The following ZSCAN25 variants were observed in gnomAD, a reference collection of about 807,000 sequenced individuals.
ZSCAN25 encodes the protein zinc finger and SCAN domain-containing protein 25.
ZSCAN25 carries 27 observed loss-of-function variants against 38.7 expected under a neutral mutation model. The ratio of observed to expected loss-of-function variants is 0.70; its 90% CI spans 0.51 to 0.96. ZSCAN25 has a LOEUF of 0.96. ZSCAN25 is among the 40% of genes least tolerant of loss of function. The probability of loss-of-function intolerance (pLI) is 0.00; values close to 1 mark genes in which losing one functional copy is unlikely to be tolerated. For synonymous variants in ZSCAN25, 273 were observed against 277.7 expected, an observed-to-expected ratio of 0.98 and a Z score of 0.17; for missense variants, 637 against 705.9, an observed-to-expected ratio of 0.90 and a Z score of 1.11.
intron 1 of ZSCAN25, among the ~76,000 whole-genome samples, 168 bp downstream of exon 1, chr7:99,617,184 A>C (rs1806539820): frequency 6.6e-6 from 1 of 152,132 alleles, no homozygotes; most frequent in South Asian, 2.1e-4. Flanking sequence ...AGCTGCCTTC[A>C]GCGGCCCCGA....
chr7:99,619,389 G>A (rs1806735340), intron 3 of ZSCAN25, among the ~76,000 whole-genome samples, 172 bp from the exon 4 acceptor site: 1 of 152,234 alleles, frequency 6.6e-6, no homozygotes, highest in Non-Finnish European at 1.5e-5. Flanking sequence ...GTACCTAATA[G>A]TTGCTTAGCA....
In ZSCAN25 at chr7:99,631,236, C is replaced by T. The variant is rs2151303495; in HGVS notation, c.*1216C>T. On this transcript the variant is annotated 3_prime_UTR_variant, in exon 8 of 8. Transcript: ENST00000394152. ...TTGTTACTAAATGGTCTCTGCCCTC[C>T]AGACCCTTGTCATCCAAGGCACTAG... is the stretch of plus-strand genomic sequence containing the variant. The T allele has an allele frequency of 3.0e-6, 3 of 985,446 alleles. No individual in the cohort carries two copies. The highest frequency in any genetic ancestry group is 1.7e-5 in the African/African-American group (1 of 57,344). The allele number at this position is 985,446 out of a possible 1,614,324, so 61.0% of individuals were successfully genotyped here.
the ZSCAN25 span, chr7:99,663,705 G>T: frequency 9.3e-7 from 1 of 1,071,626 alleles, no homozygotes; most frequent in East Asian, 6.6e-5. Context: ...GGGAAGAGAA[G>T]TGGTAAAATT....
At chr7:99,685,107 T>C in the ZSCAN25 span, 4 of 1,485,530 alleles carry the variant, frequency 2.7e-6, no homozygotes, top group Admixed American at 6.7e-5. Flanking sequence ...TCACAGCTTT[T>C]TTGAAGAGCA....
downstream of ZSCAN25, among the ~76,000 whole-genome samples, chr7:99,636,937 A>G (rs188311045): frequency 2.1e-3 from 315 of 152,366 alleles, no homozygotes; most frequent in Non-Finnish European, 3.7e-3. Context: ...AAGTCTACAC[A>G]TCATTCATTC....
chr7:99,671,405 C>T, the ZSCAN25 span: 39 of 170,394 alleles, frequency 2.3e-4, no homozygotes, highest in Non-Finnish European at 4.6e-4. Flanking sequence ...TGTACAGCTA[C>T]TAGAGTCACC....
At chr7:99,662,191 T>G in the ZSCAN25 span, among the ~76,000 whole-genome samples, 1 of 152,140 alleles carries the variant, frequency 6.6e-6, no homozygotes, top group African/African-American at 2.4e-5. The surrounding 1 kb of genome is among the most constrained non-coding windows in gnomAD (Gnocchi z 4.3). Flanking sequence ...ATTCAAAAAT[T>G]TTGTGAGATG....
At chr7:99,682,330 A>C in the ZSCAN25 span, among the ~76,000 whole-genome samples, 1 of 152,216 alleles carries the variant, frequency 6.6e-6, no homozygotes. Context: ...ACAGGGTTCT[A>C]GTTTCATTAT....
At chr7:99,686,339 C>T in the ZSCAN25 span, among the ~76,000 whole-genome samples, 6 of 152,144 alleles carry the variant, frequency 3.9e-5, no homozygotes, top group Non-Finnish European at 7.4e-5. Flanking sequence ...GCTTAAAAAA[C>T]GGCACACCAG....
chr7:99,660,896 T>A, the ZSCAN25 span, among the ~76,000 whole-genome samples: 3 of 152,194 alleles, frequency 2.0e-5, no homozygotes, highest in Non-Finnish European at 4.4e-5. Flanking sequence ...ACACTCCTCA[T>A]CATGGCATCC....
chr7:99,702,415 G>C, the ZSCAN25 span, among the ~76,000 whole-genome samples: 1 of 152,098 alleles, frequency 6.6e-6, no homozygotes, highest in Non-Finnish European at 1.5e-5. Flanking sequence ...CATCCACCTT[G>C]ATTTGATTTT....
chr7:99,672,893 G>A, the ZSCAN25 span: 2 of 1,373,756 alleles, frequency 1.5e-6, no homozygotes, highest in South Asian at 1.7e-5. Context: ...GAAGGGTAAT[G>A]TGGTCCAAAC....
the ZSCAN25 span, chr7:99,677,295 A>G: frequency 1.0e-6 from 1 of 974,384 alleles, no homozygotes; most frequent in Non-Finnish European, 1.2e-6. Context: ...TCAGCTGTGA[A>G]GCTGCTAGCC....
In ZSCAN25 at chr7:99,629,280, G is replaced by A. The variant is rs894306908; in HGVS notation, c.895G>A (p.Ala299Thr). 1.2e-6 allele frequency: 2 copies of A among 1,614,208 alleles called. No homozygotes were observed. The highest frequency in any genetic ancestry group is 1.7e-6 in the Non-Finnish European group (2 of 1,180,020). Residue 299 changes from alanine (A) to threonine (T), a missense_variant, in exon 8 of 8, where the codon GCC (alanine) becomes ACC (threonine). Physicochemically the swap from Ala to Thr is moderately conservative, Grantham distance 58 (BLOSUM62 0). Coordinates refer to ENST00000394152, the MANE Select transcript of ZSCAN25 (RefSeq NM_145115.3). The surrounding 1 kb of genome is among the most constrained non-coding windows in gnomAD (Gnocchi z 5.6). ...ACTGACATCAGAGAGGTTTGGGGAA[G>A]CCTCTCTCCAGGGCCCTGGGCTCGG... Reference protein sequence around the residue: ...VALTSERFGEASLQGPGLGRV... With the variant: ...VALTSERFGETSLQGPGLGRV...
the ZSCAN25 span, among the ~76,000 whole-genome samples, chr7:99,732,319 A>G: frequency 1.3e-5 from 2 of 152,086 alleles, no homozygotes; most frequent in Non-Finnish European, 2.9e-5. Context: ...AGAAGTCGCT[A>G]TGCTTCCTGT....
the ZSCAN25 span, among the ~76,000 whole-genome samples, chr7:99,702,873 T>G: frequency 1.3e-5 from 2 of 152,220 alleles, no homozygotes; most frequent in African/African-American, 4.8e-5. Context: ...TCTTACAATA[T>G]GTAAACATGG....
the ZSCAN25 span, chr7:99,648,151 G>GGA: frequency 7.2e-7 from 1 of 1,391,910 alleles, no homozygotes; most frequent in Non-Finnish European, 9.4e-7. Flanking sequence ...ACAGACTCTG[G>GGA]GAGAGCTCAA....
At chr7:99,666,977 G>T in the ZSCAN25 span, 65 of 1,613,982 alleles carry the variant, frequency 4.0e-5, no homozygotes, top group South Asian at 5.3e-4. Context: ...GCTGGTGAAG[G>T]TTGGAGACAG....
chr7:99,694,236 C>A, the ZSCAN25 span, among the ~76,000 whole-genome samples: 1 of 152,184 alleles, frequency 6.6e-6, no homozygotes, highest in African/African-American at 2.4e-5. Flanking sequence ...TCTTTTATCT[C>A]TGTTCATCAT....
Sources: gnomAD v4.1 joint callset for allele counts (sites outside exome capture counted in the v4.1 genomes callset) on GRCh38, gnomAD v4.1.1 for gene constraint, Gnocchi (gnomAD v3.1) non-coding constraint, MANE v1.5 for transcripts, NCBI Gene and HGNC (gene_info 2026-07-23, HGNC 2026-07-21) for gene names.